STK32A: variants seen among roughly 807,000 people sequenced by gnomAD.
STK32A encodes the protein serine/threonine-protein kinase 32A.
STK32A carries 41 observed loss-of-function variants against 53.2 expected under a neutral mutation model. The observed-to-expected ratio is 0.77, with a 90% CI of 0.60 to 1.00. The LOEUF (loss-of-function observed/expected upper bound fraction) is 1.00. Among genes scored for constraint, STK32A ranks in the 50% least tolerant of loss-of-function variants. The pLI is 0.00. For synonymous variants in STK32A, 166 were observed against 162.8 expected (o/e 1.02, Z -0.15); for missense variants, 458 against 485.8 (o/e 0.94, Z 0.54).
intron 5 of STK32A, among the ~76,000 whole-genome samples, chr5:147,341,158 ACT>A (rs1419563149): frequency 6.6e-6 from 1 of 152,040 alleles, no homozygotes; most frequent in Non-Finnish European, 1.5e-5. Context: ...GCCTCTCTCA[ACT>A]CTCATCCATC....
the STK32A span, chr5:147,400,624 C>G: frequency 4.5e-4 from 701 of 1,566,334 alleles, 2 homozygotes; most frequent in African/African-American, 8.9e-3. Context: ...CAACTGGTGG[C>G]AGGAGGTTCT....
At chr5:147,305,788 T>C (rs1413304391) in intron 4 of STK32A, among the ~76,000 whole-genome samples, 1 of 151,940 alleles carries the variant, frequency 6.6e-6, no homozygotes, top group Non-Finnish European at 1.5e-5. Flanking sequence ...TGATAGGCAT[T>C]TGGATCGTTT....
At chr5:147,359,638 G>A (rs1337771312) in intron 7 of STK32A, among the ~76,000 whole-genome samples, 5 of 152,148 alleles carry the variant, frequency 3.3e-5, no homozygotes, top group Admixed American at 1.3e-4. Flanking sequence ...GATATGACTT[G>A]TTGTGAGATA....
At chr5:147,378,358 T>C (rs771566611) in intron 11 of STK32A, among the ~76,000 whole-genome samples, 100 of 152,130 alleles carry the variant, frequency 6.6e-4, no homozygotes, top group Admixed American at 9.2e-4. Flanking sequence ...CAGGCAGATC[T>C]TAATGTTACA....
intron 2 of STK32A, among the ~76,000 whole-genome samples, chr5:147,262,932 G>A (rs1754647502): frequency 6.6e-6 from 1 of 152,176 alleles, no homozygotes; most frequent in Non-Finnish European, 1.5e-5. Context: ...AAGAGCTAAA[G>A]TAAATGACAT....
chr5:147,394,957 C>T, the STK32A span, among the ~76,000 whole-genome samples: 3 of 152,106 alleles, frequency 2.0e-5, no homozygotes, highest in Non-Finnish European at 2.9e-5. Flanking sequence ...TTATTTTTCT[C>T]CATTTTAAGA....
intron 2 of STK32A, among the ~76,000 whole-genome samples, chr5:147,276,240 A>G (rs1755255447): frequency 6.6e-6 from 1 of 152,186 alleles, no homozygotes; most frequent in Non-Finnish European, 1.5e-5. Context: ...CCCAAGGTAA[A>G]ACATAAGCCA....
intron 7 of STK32A, among the ~76,000 whole-genome samples, chr5:147,355,393 G>T (rs12520257): frequency 1.3e-5 from 2 of 151,984 alleles, no homozygotes; most frequent in Non-Finnish European, 2.9e-5. Context: ...AAACCTTCTC[G>T]GCCGGGCGCG....
intron 5 of STK32A, among the ~76,000 whole-genome samples, chr5:147,338,268 A>G (rs1410970801): frequency 6.6e-6 from 1 of 152,116 alleles, no homozygotes; most frequent in Non-Finnish European, 1.5e-5. Flanking sequence ...ATGGTTTTAT[A>G]AAGGGCAATT....
At chr5:147,335,895 T>C (rs1755095480) in intron 5 of STK32A, among the ~76,000 whole-genome samples, 1 of 152,186 alleles carries the variant, frequency 6.6e-6, no homozygotes, top group African/African-American at 2.4e-5. Context: ...AAAACTGAAA[T>C]GATGATTAAG....
At chr5:147,312,526 C>T (rs1412461607) in intron 4 of STK32A, among the ~76,000 whole-genome samples, 1 of 152,148 alleles carries the variant, frequency 6.6e-6, no homozygotes, top group East Asian at 1.9e-4. Context: ...GCTGTTTATT[C>T]TGGATAAACA....
intron 5 of STK32A, among the ~76,000 whole-genome samples, chr5:147,337,024 C>A (rs1755166068): frequency 6.6e-6 from 1 of 152,186 alleles, no homozygotes; most frequent in African/African-American, 2.4e-5. Flanking sequence ...GGGTGAGCAA[C>A]TTGACTCCAG....
chr5:147,367,416 A>T (rs1474312043), intron 8 of STK32A, among the ~76,000 whole-genome samples: 5 of 152,154 alleles, frequency 3.3e-5, no homozygotes, highest in Admixed American at 6.6e-5. Context: ...TTTCACTCAC[A>T]TCCATGTGAA....
intron 4 of STK32A, among the ~76,000 whole-genome samples, chr5:147,302,467 T>C (rs568356207): frequency 4.5e-4 from 69 of 152,340 alleles, no homozygotes; most frequent in Non-Finnish European, 8.2e-4. Context: ...CATCTTTCTA[T>C]GTAAGGTTTA....
chr5:147,237,991 T>C (rs532878818), intron 1 of STK32A, among the ~76,000 whole-genome samples: 33 of 152,376 alleles, frequency 2.2e-4, no homozygotes, highest in African/African-American at 7.2e-4. Flanking sequence ...GAAATTCTGC[T>C]ACTCTTAGAA....
chr5:147,340,301 T>C (rs77770441), intron 5 of STK32A, among the ~76,000 whole-genome samples: 3,262 of 152,318 alleles, frequency 0.021, 125 homozygotes, highest in African/African-American at 0.073. Context: ...CTGGTCTGAA[T>C]GCCCCTGATA....
chr5:147,281,801 T>C (rs1196542570), intron 4 of STK32A, among the ~76,000 whole-genome samples: 1 of 152,156 alleles, frequency 6.6e-6, no homozygotes. Context: ...TTAGGCACAC[T>C]GTCATCAGAT....
intron 8 of STK32A, among the ~76,000 whole-genome samples, chr5:147,367,629 C>T (rs1368888679): frequency 1.3e-5 from 2 of 151,976 alleles, no homozygotes; most frequent in Non-Finnish European, 2.9e-5. Context: ...CGTTTTGAGC[C>T]AGGATGAGCC....
intron 10 of STK32A, among the ~76,000 whole-genome samples, chr5:147,373,547 T>C (rs561198930): frequency 2.0e-5 from 3 of 152,118 alleles, no homozygotes; most frequent in African/African-American, 7.2e-5. Context: ...TAACCACTTT[T>C]TATGGTCTGT....
Sources: allele counts gnomAD v4.1 joint callset (sites outside exome capture counted in the v4.1 genomes callset), GRCh38; gene constraint gnomAD v4.1.1; transcripts MANE v1.5; gene names NCBI Gene and HGNC (gene_info 2026-07-23, HGNC 2026-07-21).